CCDC83: variants seen among roughly 807,000 people sequenced by gnomAD.
CCDC83 encodes the protein coiled-coil domain containing 83.
CCDC83 carries 54 observed loss-of-function variants against 50.1 expected under a neutral mutation model. That is an observed-to-expected ratio of 1.08 (90% confidence interval 0.87 to 1.35). The LOEUF (loss-of-function observed/expected upper bound fraction) is 1.35, where lower values mean the gene tolerates loss of function less well. Among genes scored for constraint, CCDC83 ranks in the 40% most tolerant of loss-of-function variants. The pLI, the probability that CCDC83 is intolerant of heterozygous loss-of-function variation, is 0.00. For missense variants in CCDC83, 518 were observed against 473.9 expected, an observed-to-expected ratio of 1.09 and a Z score of -0.86; for synonymous variants, 161 against 153.3, an observed-to-expected ratio of 1.05 and a Z score of -0.37.
chr11:85,909,609 C>CT (rs71468972), intron 7 of CCDC83, among the ~76,000 whole-genome samples: 1,571 of 57,666 alleles, frequency 0.027, 526 homozygotes, highest in Non-Finnish European at 0.032. Context: ...TCAAAATACA[C>CT]TTTTTTTTTT....
chr11:85,911,606 A>G (rs1199360942), intron 8 of CCDC83, among the ~76,000 whole-genome samples: 2 of 152,240 alleles, frequency 1.3e-5, no homozygotes, highest in African/African-American at 2.4e-5. Flanking sequence ...GGCTTGTTTT[A>G]TCTTGCAATG....
intron 1 of CCDC83, 21 bp from the exon 2 acceptor site, chr11:85,865,075 G>C (rs779482361): frequency 1.6e-6 from 2 of 1,265,792 alleles, no homozygotes; most frequent in Non-Finnish European, 2.3e-6. Flanking sequence ...TTTCACTTTC[G>C]TATGTCTCCT....
At chr11:85,885,248 G>A (rs1427055888) in intron 4 of CCDC83, among the ~76,000 whole-genome samples, 3 of 152,052 alleles carry the variant, frequency 2.0e-5, no homozygotes, top group African/African-American at 7.2e-5. Context: ...GTACATCTTT[G>A]GAAAAAGATG....
intron 2 of CCDC83, among the ~76,000 whole-genome samples, chr11:85,866,118 T>G (rs867634555): frequency 1.9e-4 from 29 of 152,336 alleles, no homozygotes; most frequent in African/African-American, 1.9e-4. Context: ...TATGTTTTAT[T>G]CCAACAAATA....
intron 3 of CCDC83, 91 bp downstream of exon 3, chr11:85,873,386 G>A: frequency 2.0e-6 from 1 of 499,356 alleles, no homozygotes; most frequent in Non-Finnish European, 3.5e-6. Context: ...TATACTCTAG[G>A]AAATTATCTT....
chr11:85,917,151 AG>A (rs1457525147), intron 10 of CCDC83, among the ~76,000 whole-genome samples: 35 of 97,512 alleles, frequency 3.6e-4, no homozygotes, highest in African/African-American at 1.2e-3. Context: ...AGAGAGAGAG[AG>A]AGAGAGAGAG....
chr11:85,884,208 A>C (rs938408713), intron 4 of CCDC83, among the ~76,000 whole-genome samples: 2 of 152,218 alleles, frequency 1.3e-5, no homozygotes, highest in African/African-American at 4.8e-5. Flanking sequence ...CTGGACATGC[A>C]TGGGAAGAAA....
In CCDC83 at chr11:85,898,979, T is replaced by G. The variant is rs577145233; in HGVS notation, c.636T>G (p.Tyr212Ter). 4 of 1,612,718 alleles carry G rather than the reference T, an allele frequency of 2.5e-6. No homozygotes were observed. Among genetic ancestry groups the G allele is most frequent in the Non-Finnish European group, 3.4e-6 (4 of 1,179,138 alleles). Residue 212 changes from tyrosine to a stop codon, truncating the protein, a stop_gained, in exon 7 of 11, where the codon TAT (tyrosine) becomes TAG (stop). Transcript: ENST00000342404. LOFTEE classifies it high-confidence loss of function. ...NAVKLIDKGSYLEIWENDWLK... is the reference protein window; with the variant it reads ...NAVKLIDKGS ...TAAAGCTCATTGACAAGGGCAGTTA[T>G]CTAGAGATCTGGGAGAATGACTGGC...
chr11:85,910,166 C>T (rs1360100150), intron 7 of CCDC83, among the ~76,000 whole-genome samples: 3 of 152,208 alleles, frequency 2.0e-5, no homozygotes, highest in Admixed American at 1.3e-4. Flanking sequence ...CCCTTATCCC[C>T]GACAACTGAT....
chr11:85,866,025 T>C (rs1213305955), intron 2 of CCDC83, among the ~76,000 whole-genome samples: 1 of 152,044 alleles, frequency 6.6e-6, no homozygotes, highest in African/African-American at 2.4e-5. Context: ...TTACAGAAAA[T>C]TCTTTTTAAT....
intron 6 of CCDC83, among the ~76,000 whole-genome samples, chr11:85,897,656 T>C (rs1489375518): frequency 6.6e-6 from 1 of 152,214 alleles, no homozygotes. Flanking sequence ...TGATCCACTG[T>C]TAGTGAATCC....
At chr11:85,872,206 C>G (rs1357402309) in intron 2 of CCDC83, among the ~76,000 whole-genome samples, 1 of 152,048 alleles carries the variant, frequency 6.6e-6, no homozygotes, top group Non-Finnish European at 1.5e-5. Flanking sequence ...ACCTGCTGGC[C>G]GGGCACGGTG....
intron 1 of CCDC83, among the ~76,000 whole-genome samples, chr11:85,863,590 C>T (rs1196519515): frequency 1.3e-5 from 2 of 152,206 alleles, no homozygotes; most frequent in African/African-American, 2.4e-5. Flanking sequence ...GACATAAAGA[C>T]AGCCTGACTG....
intron 2 of CCDC83, among the ~76,000 whole-genome samples, chr11:85,871,717 G>C (rs2093238569): frequency 1.3e-5 from 2 of 152,150 alleles, no homozygotes; most frequent in Non-Finnish European, 2.9e-5. Flanking sequence ...ACTTGCCTGA[G>C]ATCATGTAGA....
At chr11:85,913,646 T>C (rs973743998) in intron 8 of CCDC83, among the ~76,000 whole-genome samples, 2 of 152,226 alleles carry the variant, frequency 1.3e-5, no homozygotes, top group African/African-American at 4.8e-5. Context: ...TGGGATATTG[T>C]GGTTAATAGA....
chr11:85,883,475 A>G (rs893944730), intron 4 of CCDC83, among the ~76,000 whole-genome samples: 3 of 152,032 alleles, frequency 2.0e-5, no homozygotes, highest in Non-Finnish European at 4.4e-5. Context: ...AAGTTTGGAG[A>G]ACATGGGTAG....
chr11:85,865,387 T>A (rs2093201098), intron 2 of CCDC83, among the ~76,000 whole-genome samples, 169 bp downstream of exon 2: 1 of 152,246 alleles, frequency 6.6e-6, no homozygotes, highest in South Asian at 2.1e-4. Context: ...TTAAAGGTTT[T>A]TGAAACTTTG....
intron 3 of CCDC83, among the ~76,000 whole-genome samples, chr11:85,877,085 C>T (rs1308509292): frequency 1.3e-5 from 2 of 152,184 alleles, no homozygotes; most frequent in Non-Finnish European, 2.9e-5. Flanking sequence ...TGCTATCAGA[C>T]ACATTCTCCT....
At chr11:85,896,612 G>C (rs1198140646) in intron 6 of CCDC83, among the ~76,000 whole-genome samples, 1 of 151,992 alleles carries the variant, frequency 6.6e-6, no homozygotes, top group Non-Finnish European at 1.5e-5. Flanking sequence ...AATATAATTT[G>C]TCCAAAAAGT....
Sources: gnomAD v4.1 joint callset for allele counts (sites outside exome capture counted in the v4.1 genomes callset) on GRCh38, gnomAD v4.1.1 for gene constraint, MANE v1.5 for transcripts, NCBI Gene and HGNC (gene_info 2026-07-23, HGNC 2026-07-21) for gene names.